The following RCN2 variants were observed in gnomAD, a reference collection of about 807,000 sequenced individuals.
The protein encoded by RCN2 is reticulocalbin 2.
Under a neutral mutation model 37.5 loss-of-function variants are expected in RCN2, and 23 were observed. The observed-to-expected ratio is 0.61, with a 90% CI of 0.44 to 0.87. The LOEUF (loss-of-function observed/expected upper bound fraction) is 0.87, where lower values mean the gene tolerates loss of function less well. Among genes scored for constraint, RCN2 ranks in the 40% least tolerant of loss-of-function variants. The pLI is 0.00. For missense variants in RCN2, 381 were observed against 390.4 expected, an observed-to-expected ratio of 0.98 and a Z score of 0.20; for synonymous variants, 140 against 144.6, an observed-to-expected ratio of 0.97 and a Z score of 0.23.
intron 3 of RCN2, among the ~76,000 whole-genome samples, chr15:76,939,171 C>T (rs1274337435): frequency 1.3e-5 from 2 of 151,866 alleles, no homozygotes; most frequent in South Asian, 2.1e-4. Flanking sequence ...GTCAAGGCTG[C>T]GGTGAGCCAT....
rs1048845166 is a variant in RCN2 at position 76,947,674 on chromosome 15, G to A, written c.658+157G>A. On this transcript the variant is annotated intron_variant, in intron 5 of 6. Coordinates refer to ENST00000394885, the MANE Select transcript of RCN2 (RefSeq NM_002902.3). ...TAACTGTAATACAAGTTCAACAAAT[G>A]GATTTATAGCTTATCTGAGAACGCT... 3 of 564,130 alleles carry A rather than the reference G, an allele frequency of 5.3e-6. No homozygotes were observed. In the African/African-American group the frequency reaches 6.0e-5, roughly 11 times the overall value. The allele number at this position is 564,130 out of a possible 1,614,324, so 34.9% of individuals were successfully genotyped here.
At chr15:76,938,935 G>C (rs540550382) in intron 3 of RCN2, 29 of 354,084 alleles carry the variant, frequency 8.2e-5, no homozygotes, top group African/African-American at 5.5e-4. Flanking sequence ...GGGAAGCCAA[G>C]GTGGGAGAAT....
At chr15:76,947,652 C>T in intron 5 of RCN2, 135 bp downstream of exon 5, 1 of 617,938 alleles carries the variant, frequency 1.6e-6, no homozygotes, top group South Asian at 2.0e-5. Flanking sequence ...GTTTCGTTAA[C>T]TGTAATACAA....
intron 3 of RCN2, among the ~76,000 whole-genome samples, chr15:76,938,357 A>G (rs1359569498): frequency 6.6e-6 from 1 of 152,232 alleles, no homozygotes; most frequent in African/African-American, 2.4e-5. Flanking sequence ...AGATATGTGT[A>G]GGTTATATGC....
chr15:76,948,336 A>T, intron 5 of RCN2, 74 bp from the exon 6 acceptor site: 1 of 1,032,594 alleles, frequency 9.7e-7, no homozygotes, highest in Non-Finnish European at 1.4e-6. Flanking sequence ...CCTTTATTCT[A>T]GGGATATACC....
rs2075244534 is a variant in RCN2, at chr15:76,935,727, G to T, written c.447+5G>T. The T allele has an allele frequency of 6.2e-7, 1 of 1,604,654 alleles. No homozygotes were observed. Among genetic ancestry groups the T allele is most frequent in the Non-Finnish European group, 8.5e-7 (1 of 1,174,916 alleles). ...GAAGAGGAGTCCTTTAGGAAGGTGA[G>T]TTCATGTGCACAAGCTGTTTCTTTT... is the stretch of plus-strand genomic sequence containing the variant. On this transcript the variant is annotated splice_donor_5th_base_variant and intron_variant, in intron 3 of 6. Transcript: ENST00000394885.
chr15:76,936,153 G>GT (rs1490353081), intron 3 of RCN2, among the ~76,000 whole-genome samples: 2 of 150,072 alleles, frequency 1.3e-5, no homozygotes, highest in African/African-American at 2.5e-5. Context: ...ACTGAGAATC[G>GT]TAAGTATCCA....
intron 2 of RCN2, 45 bp downstream of exon 2, chr15:76,932,511 A>C (rs769340428): frequency 6.1e-6 from 8 of 1,303,556 alleles, no homozygotes; most frequent in Admixed American, 1.7e-5. Flanking sequence ...AAACACAAAT[A>C]TGTTAAGCAG....
In RCN2 at chr15:76,953,818, A is replaced by G. The variant is rs1408623574; in HGVS notation, c.*4596A>G. On this transcript the variant is annotated 3_prime_UTR_variant, in exon 7 of 7. Transcript: ENST00000394885. ...GAGACGGGGTTTCACCGTGTTAGCC[A>G]GGATGGTCTTGATCTGCTGACCTCG... The G allele has an allele frequency of 2.4e-3, 6 of 2,524 alleles. No individual in the cohort carries two copies. Among genetic ancestry groups the G allele is most frequent in the African/African-American group, 2.5e-3 (6 of 2,388 alleles). The allele number at this position is 2,524 out of a possible 1,614,324, so 0.2% of individuals were successfully genotyped here. A position where few individuals can be genotyped will look rare whatever the true frequency, so the allele number is the denominator to read the frequency against.
rs571703672 is a variant in RCN2 at position 76,935,418 on chromosome 15, T to C, written c.251-108T>C. 6.8e-4 allele frequency: 522 copies of C among 768,464 alleles called. 7 individuals are homozygous for C. The South Asian group carries it at 8.1e-3, about 12-fold the overall frequency. The allele number at this position is 768,464 out of a possible 1,614,324, so 47.6% of individuals were successfully genotyped here. On this transcript the variant is annotated intron_variant, in intron 2 of 6. Coordinates refer to ENST00000394885, the MANE Select transcript of RCN2 (RefSeq NM_002902.3). ...TTAATACAACTAGGCCAATTCTCAG[T>C]ATTTGCAAACATCAAAGATTTTGCC... is the stretch of plus-strand genomic sequence containing the variant.
chr15:76,937,738 T>A (rs139758491), intron 3 of RCN2, among the ~76,000 whole-genome samples: 8 of 152,286 alleles, frequency 5.3e-5, no homozygotes, highest in African/African-American at 9.6e-5. Flanking sequence ...AAATTTAGTA[T>A]CTGTGTGAGT....
chr15:76,936,499 T>C (rs190238176), intron 3 of RCN2, among the ~76,000 whole-genome samples: 1 of 152,194 alleles, frequency 6.6e-6, no homozygotes, highest in Admixed American at 6.5e-5. Flanking sequence ...CAGTTCACAG[T>C]AGGGTTTGCA....
At chr15:76,937,987 T>C (rs938904433) in intron 3 of RCN2, among the ~76,000 whole-genome samples, 3 of 152,162 alleles carry the variant, frequency 2.0e-5, no homozygotes, top group Admixed American at 2.0e-4. Flanking sequence ...AGTTGTATTA[T>C]ACATACTTAC....
intron 1 of RCN2, among the ~76,000 whole-genome samples, 171 bp downstream of exon 1, chr15:76,932,156 T>A (rs1455343376): frequency 6.6e-6 from 1 of 152,064 alleles, no homozygotes; most frequent in Non-Finnish European, 1.5e-5. Context: ...CTGGAAAGCC[T>A]GAGGAGATAG....
At chr15:76,932,690 C>CT (rs1250535924) in intron 2 of RCN2, among the ~76,000 whole-genome samples, 2 of 152,164 alleles carry the variant, frequency 1.3e-5, no homozygotes, top group Admixed American at 6.5e-5. Context: ...ACCCTGTACT[C>CT]TATGTGGAAG....
rs556906206 is a variant in RCN2, at chr15:76,941,683, G to A, written c.448-2075G>A. 3.5e-4 allele frequency: 511 copies of A among 1,478,900 alleles called. 6 individuals are homozygous for A. In the African/African-American group the frequency reaches 6.5e-3, roughly 19 times the overall value. 91.6% of individuals were successfully genotyped at this position (1,478,900 alleles called of 1,614,324 possible). A position where few individuals can be genotyped will look rare whatever the true frequency, so the allele number is the denominator to read the frequency against. ...CAGTCTTTCTGTTTTTGGCTTCTTC[G>A]ATTTAATGTGAGCTATTCTTATTTT... On this transcript the variant is annotated intron_variant, in intron 3 of 6. Coordinates refer to ENST00000394885, the MANE Select transcript of RCN2 (RefSeq NM_002902.3).
rs1278641657 is a variant in RCN2 at position 76,947,403 on chromosome 15, T to G, written c.562-18T>G. 1.3e-6 allele frequency: 2 copies of G among 1,516,996 alleles called. No individual in the cohort carries two copies. 94.0% of individuals were successfully genotyped at this position (1,516,996 alleles called of 1,614,324 possible). A position where few individuals can be genotyped will look rare whatever the true frequency, so the allele number is the denominator to read the frequency against. ...ATTTTGTAACTTTTTTTTTTCTTTT[T>G]TAATGAACGTGGAATAGGAATTTGT... On this transcript the variant is annotated intron_variant, in intron 4 of 6. Coordinates refer to ENST00000394885, the MANE Select transcript of RCN2 (RefSeq NM_002902.3).
chr15:76,950,386 C>CTTTTTTTTTTTTTTTTTTTTT lies in RCN2; in HGVS notation c.*1184_*1185insTTTTTTTTTTTTTTTTTTTTT, dbSNP rs67783519. 1 of 105,464 alleles carries CTTTTTTTTTTTTTTTTTTTTT rather than the reference C, an allele frequency of 9.5e-6. No homozygotes were observed. The highest frequency in any genetic ancestry group is 1.9e-5 in the Non-Finnish European group (1 of 53,654). The allele number at this position is 105,464 out of a possible 1,614,324, so 6.5% of individuals were successfully genotyped here. ...TGATGTACAGAGATTGTTTTTCATT[C>CTTTTTTTTTTTTTTTTTTTTT]TTTTTTTTTTTTTTTTTTTTGTGAC... is the stretch of plus-strand genomic sequence containing the variant. On this transcript the variant is annotated 3_prime_UTR_variant, in exon 7 of 7. Coordinates refer to ENST00000394885, the MANE Select transcript of RCN2 (RefSeq NM_002902.3).
intron 3 of RCN2, among the ~76,000 whole-genome samples, chr15:76,936,392 G>T (rs956313082): frequency 2.6e-5 from 4 of 152,156 alleles, no homozygotes; most frequent in South Asian, 4.1e-4. Flanking sequence ...TGTGTGGCGG[G>T]GGGGTGGGGA....
Sources: allele counts gnomAD v4.1 joint callset (sites outside exome capture counted in the v4.1 genomes callset), GRCh38; gene constraint gnomAD v4.1.1; transcripts MANE v1.5; gene names NCBI Gene and HGNC (gene_info 2026-07-23, HGNC 2026-07-21).